The following SDK1 variants were observed in gnomAD, a reference collection of about 807,000 sequenced individuals.
The protein encoded by SDK1 is sidekick cell adhesion molecule 1, also known as protein sidekick-1.
A neutral mutation model predicts 245.5 loss-of-function variants in SDK1; 157 were observed. The ratio of observed to expected loss-of-function variants is 0.64; its 90% CI spans 0.56 to 0.73. The LOEUF is 0.73. Among genes scored for constraint, SDK1 ranks in the 30% least tolerant of loss-of-function variants. The pLI is 0.00. For synonymous variants in SDK1, 1,647 were observed against 1,278.5 expected, an observed-to-expected ratio of 1.29 and a Z score of -6.15; for missense variants, 3,583 against 3,002.3, an observed-to-expected ratio of 1.19 and a Z score of -4.52.
At chr7:3,405,814 C>CTTTTT (rs534692477) in intron 1 of SDK1, among the ~76,000 whole-genome samples, 41 of 125,342 alleles carry the variant, frequency 3.3e-4, no homozygotes, top group Middle Eastern at 4.4e-3. Context: ...TTCTTTCTTT[C>CTTTTT]TTTTTTTTTT....
In SDK1 at chr7:3,386,894, G is replaced by A. The variant is rs933840558; in HGVS notation, c.298+85010G>A. Among the ~76,000 whole-genome samples the A allele has an allele frequency of 4.6e-5, 7 of 152,312 alleles. No homozygotes were observed. In the South Asian group the frequency reaches 6.2e-4, roughly 14 times the overall value. ...CTAACACAAGGCTGTCATGTTTAAA[G>A]ACATCTTTACTGAATGCTGCAGAGG... On this transcript the variant is annotated intron_variant, in intron 1 of 44. Transcript: ENST00000404826.
chr7:3,791,173 A>C (rs947077568), intron 4 of SDK1, among the ~76,000 whole-genome samples: 2 of 152,114 alleles, frequency 1.3e-5, no homozygotes, highest in Admixed American at 1.3e-4. Flanking sequence ...AACAAAAAAA[A>C]AAACACCTGT....
chr7:4,088,387 T>A (rs554303690), intron 22 of SDK1, among the ~76,000 whole-genome samples: 1 of 152,196 alleles, frequency 6.6e-6, no homozygotes, highest in African/African-American at 2.4e-5. Flanking sequence ...CATATCGAAT[T>A]GGGACAATGA....
At chr7:3,985,307 A>G (rs1048341881) in intron 13 of SDK1, among the ~76,000 whole-genome samples, 17 of 152,234 alleles carry the variant, frequency 1.1e-4, no homozygotes, top group East Asian at 1.9e-4. Flanking sequence ...TTATTTGGCT[A>G]TATCTGTCAG....
intron 1 of SDK1, among the ~76,000 whole-genome samples, chr7:3,593,771 G>A (rs1286806251): frequency 2.0e-5 from 3 of 152,170 alleles, no homozygotes; most frequent in South Asian, 2.1e-4. Flanking sequence ...ATGGCACAGT[G>A]GGTGAGAACG....
intron 29 of SDK1, among the ~76,000 whole-genome samples, chr7:4,147,834 A>G (rs1370959144): frequency 2.0e-5 from 3 of 152,006 alleles, no homozygotes; most frequent in Non-Finnish European, 4.4e-5. Context: ...TCTCTAATGT[A>G]TTTGTGTGGT....
intron 1 of SDK1, among the ~76,000 whole-genome samples, chr7:3,332,819 C>T (rs1210579933): frequency 6.6e-6 from 1 of 152,130 alleles, no homozygotes; most frequent in Non-Finnish European, 1.5e-5. Flanking sequence ...GGTAAATCTG[C>T]CAAGTTTTTT....
chr7:3,385,899 G>A (rs936069897), intron 1 of SDK1, among the ~76,000 whole-genome samples: 1 of 151,830 alleles, frequency 6.6e-6, no homozygotes, highest in African/African-American at 2.4e-5. Context: ...AGATGTATAG[G>A]TTAGTTAGTA....
At chr7:3,928,856 C>G (rs1297679121) in intron 5 of SDK1, among the ~76,000 whole-genome samples, 1 of 152,208 alleles carries the variant, frequency 6.6e-6, no homozygotes, top group Non-Finnish European at 1.5e-5. Flanking sequence ...GGCTCAAATT[C>G]AGACAGCAAA....
intron 1 of SDK1, among the ~76,000 whole-genome samples, chr7:3,428,434 T>A (rs1419559019): frequency 1.3e-5 from 2 of 152,206 alleles, no homozygotes; most frequent in South Asian, 4.1e-4. Flanking sequence ...AATGGCTACA[T>A]ACAGCACATG....
At chr7:3,759,618 A>T (rs1464113235) in intron 4 of SDK1, among the ~76,000 whole-genome samples, 1 of 140,726 alleles carries the variant, frequency 7.1e-6, no homozygotes, top group Non-Finnish European at 1.6e-5. Context: ...TATTATTTGG[A>T]GGCGGAATTT....
rs1482953580 is a variant in SDK1, at chr7:4,139,461, GTA to G, written c.4229-6255_4229-6254del. On this transcript the variant is annotated intron_variant, in intron 28 of 44. Coordinates refer to ENST00000404826, the MANE Select transcript of SDK1 (RefSeq NM_152744.4). ...TGTGTGTGTATATGTGTGTGTATAT[GTA>G]TATATGTGTGTGTATATGTGTGTGT... Among the ~76,000 whole-genome samples the G allele has an allele frequency of 7.2e-4, 107 of 148,426 alleles. 9 individuals carry two copies. Among genetic ancestry groups the G allele is most frequent in the African/African-American group, 2.3e-3 (93 of 40,170 alleles).
At chr7:3,661,230 A>G (rs1251999460) in intron 4 of SDK1, among the ~76,000 whole-genome samples, 1 of 152,194 alleles carries the variant, frequency 6.6e-6, no homozygotes, top group African/African-American at 2.4e-5. Flanking sequence ...TTTTTCATAT[A>G]TTTTTAAGTA....
chr7:3,633,140 T>G (rs1184135470), intron 2 of SDK1, among the ~76,000 whole-genome samples: 2 of 152,144 alleles, frequency 1.3e-5, no homozygotes, highest in Non-Finnish European at 2.9e-5. Flanking sequence ...ATTATAGAAC[T>G]TGGTTGCTTA....
chr7:3,658,434 A>T (rs1783254808), intron 4 of SDK1, among the ~76,000 whole-genome samples: 1 of 152,000 alleles, frequency 6.6e-6, no homozygotes, highest in Non-Finnish European at 1.5e-5. Flanking sequence ...AAGGGCTCAC[A>T]TTCTGCTGAG....
intron 1 of SDK1, among the ~76,000 whole-genome samples, chr7:3,335,162 C>T (rs754769616): frequency 4.6e-5 from 7 of 152,158 alleles, no homozygotes; most frequent in Non-Finnish European, 8.8e-5. Flanking sequence ...ATCCAGTTGC[C>T]AGAGTGACAT....
chr7:4,060,449 G>A (rs1779466279), intron 19 of SDK1, among the ~76,000 whole-genome samples: 1 of 152,132 alleles, frequency 6.6e-6, no homozygotes, highest in South Asian at 2.1e-4. Flanking sequence ...CTTTTGAGAA[G>A]TGTCTGTTCA....
intron 4 of SDK1, among the ~76,000 whole-genome samples, chr7:3,740,186 G>A (rs1779437962): frequency 1.3e-5 from 2 of 152,128 alleles, no homozygotes; most frequent in Non-Finnish European, 2.9e-5. Context: ...TCAGTCAGAG[G>A]TGACGTACAC....
intron 14 of SDK1, among the ~76,000 whole-genome samples, chr7:3,995,480 C>T (rs1784632515): frequency 6.6e-6 from 1 of 152,198 alleles, no homozygotes; most frequent in Non-Finnish European, 1.5e-5. Flanking sequence ...GCGCTGACCC[C>T]AACACCTCCC....
Sources: allele counts gnomAD v4.1 joint callset (sites outside exome capture counted in the v4.1 genomes callset), GRCh38; gene constraint gnomAD v4.1.1; transcripts MANE v1.5; gene names NCBI Gene and HGNC (gene_info 2026-07-23, HGNC 2026-07-21).